The following TYW1 variants were observed in gnomAD, a reference collection of about 807,000 sequenced individuals.
TYW1 encodes the protein S-adenosyl-L-methionine-dependent tRNA 4-demethylwyosine synthase TYW1.
TYW1 carries 46 observed loss-of-function variants against 96.2 expected under a neutral mutation model. The observed-to-expected ratio is 0.48, with a 90% CI of 0.38 to 0.61. The LOEUF is 0.61. Among genes scored for constraint, TYW1 ranks in the 20% least tolerant of loss-of-function variants. The pLI is 0.00. For missense variants in TYW1, 684 were observed against 909.6 expected, an observed-to-expected ratio of 0.75 and a Z score of 3.19; for synonymous variants, 274 against 323.0, an observed-to-expected ratio of 0.85 and a Z score of 1.63.
chr7:67,072,933 AG>A (rs1796072846), intron 10 of TYW1, among the ~76,000 whole-genome samples: 11 of 82,540 alleles, frequency 1.3e-4, no homozygotes, highest in East Asian at 7.1e-4. Context: ...ATGCCTATCC[AG>A]TTTTTTTTTT....
At chr7:67,016,022 C>T (rs1225554929) in intron 5 of TYW1, among the ~76,000 whole-genome samples, 1 of 151,740 alleles carries the variant, frequency 6.6e-6, no homozygotes, top group Non-Finnish European at 1.5e-5. Context: ...ATTCATTGCA[C>T]TTTACATAAT....
At position 67,176,974 on chromosome 7, in the gene TYW1, G is replaced by A. The variant is rs527896960; in HGVS notation, c.1699-6152G>A. On this transcript the variant is annotated intron_variant, in intron 13 of 15. Transcript: ENST00000359626. ...CAAGATGTTGCTAATTGTCCCCTGC[G>A]GTGCAGAATCGCTCCTGGTTGAGAA... Among the ~76,000 whole-genome samples the A allele has an allele frequency of 1.2e-4, 19 of 152,028 alleles. No individual in the cohort carries two copies. In the South Asian group the frequency reaches 1.9e-3, roughly 15 times the overall value.
At chr7:67,016,172 A>G (rs1584465883) in intron 5 of TYW1, among the ~76,000 whole-genome samples, 1 of 148,962 alleles carries the variant, frequency 6.7e-6, no homozygotes, top group African/African-American at 2.5e-5. Flanking sequence ...TGCATTGTGT[A>G]CCTCTTCCTA....
At chr7:67,215,480 A>T (rs942080897) in intron 15 of TYW1, among the ~76,000 whole-genome samples, 1 of 152,012 alleles carries the variant, frequency 6.6e-6, no homozygotes, top group Non-Finnish European at 1.5e-5. Context: ...TTTACTTTTT[A>T]AAAGTTCTTC....
At chr7:67,059,324 C>T (rs766957347) in intron 9 of TYW1, among the ~76,000 whole-genome samples, 9 of 151,554 alleles carry the variant, frequency 5.9e-5, no homozygotes, top group South Asian at 2.1e-4. Flanking sequence ...AGGATGGTCT[C>T]GATCTCCTGA....
chr7:67,135,078 G>T (rs1798201600), intron 13 of TYW1, among the ~76,000 whole-genome samples: 1 of 151,590 alleles, frequency 6.6e-6, no homozygotes, highest in Non-Finnish European at 1.5e-5. Flanking sequence ...CTATGATTGT[G>T]TCACTGCCCT....
At chr7:67,198,784 TTTC>T (rs1407066203) in intron 15 of TYW1, among the ~76,000 whole-genome samples, 2 of 152,194 alleles carry the variant, frequency 1.3e-5, no homozygotes, top group African/African-American at 2.4e-5. Context: ...GATACTATAT[TTTC>T]TTCTTAAGTC....
intron 15 of TYW1, among the ~76,000 whole-genome samples, chr7:67,234,302 G>T (rs1243018982): frequency 2.3e-5 from 3 of 128,966 alleles, no homozygotes; most frequent in African/African-American, 9.5e-5. Flanking sequence ...TGCAATAGTT[G>T]CACCACTGCA....
intron 12 of TYW1, among the ~76,000 whole-genome samples, chr7:67,104,469 C>A (rs1230838427): frequency 6.6e-6 from 1 of 152,188 alleles, no homozygotes; most frequent in Non-Finnish European, 1.5e-5. Flanking sequence ...ACGAGAACAG[C>A]AAGGGGGACG....
At chr7:67,007,161 G>T (rs1053188542) in intron 3 of TYW1, among the ~76,000 whole-genome samples, 13 of 151,848 alleles carry the variant, frequency 8.6e-5, no homozygotes, top group African/African-American at 2.9e-4. Flanking sequence ...TTTGCATATG[G>T]TATAACTCCA....
chr7:67,072,563 T>A lies in TYW1; in HGVS notation c.1274+5160T>A, dbSNP rs138024734. On this transcript the variant is annotated intron_variant, in intron 10 of 15. Transcript: ENST00000359626. ...CGCCTGACCCCTCTCTACCCACTTT[T>A]AAAAAATTCTTATTATAGATTTTTT... Among the ~76,000 whole-genome samples, 1,366 of 152,148 alleles carry A rather than the reference T, an allele frequency of 9.0e-3. 21 individuals carry two copies. The highest frequency in any genetic ancestry group is 0.029 in the African/African-American group (1,190 of 41,490).
At chr7:67,067,924 G>A (rs1467958137) in intron 10 of TYW1, among the ~76,000 whole-genome samples, 4 of 152,148 alleles carry the variant, frequency 2.6e-5, no homozygotes, top group East Asian at 3.9e-4. Context: ...TACAACAATT[G>A]GGAATAGTTT....
intron 13 of TYW1, among the ~76,000 whole-genome samples, chr7:67,142,135 G>C (rs535172923): frequency 6.6e-6 from 1 of 152,044 alleles, no homozygotes; most frequent in African/African-American, 2.4e-5. Flanking sequence ...TTGTTCTGTC[G>C]CCCAGGCTGG....
At chr7:67,124,343 C>A (rs1797854096) in intron 13 of TYW1, among the ~76,000 whole-genome samples, 1 of 152,188 alleles carries the variant, frequency 6.6e-6, no homozygotes. Flanking sequence ...AAGCAATCCT[C>A]CTGCCTCAGC....
intron 13 of TYW1, among the ~76,000 whole-genome samples, chr7:67,181,922 A>G (rs1413688533): frequency 2.0e-5 from 3 of 152,040 alleles, no homozygotes; most frequent in Non-Finnish European, 4.4e-5. Context: ...TTCACCTCCC[A>G]GGTTCAAATG....
intron 7 of TYW1, among the ~76,000 whole-genome samples, 162 bp from the exon 8 acceptor site, chr7:67,049,787 T>A (rs1795300999): frequency 6.6e-6 from 1 of 152,180 alleles, no homozygotes. Flanking sequence ...CCTCAGGTGA[T>A]CCGCCTGCCC....
In TYW1 at chr7:66,996,879, C is replaced by A. The variant is rs1793181899; in HGVS notation, c.-100C>A. The A allele has an allele frequency of 5.0e-6, 8 of 1,593,324 alleles. No homozygotes were observed. Among genetic ancestry groups the A allele is most frequent in the South Asian group, 1.1e-5 (1 of 88,766 alleles). On this transcript the variant is annotated 5_prime_UTR_variant, in exon 1 of 16. Coordinates refer to ENST00000359626, the MANE Select transcript of TYW1 (RefSeq NM_018264.4). ...ACAGGTCTGCAGGCACTCGGTACGCCGCTAACGCGGCGAGGTAGCTCGGTG... is the reference window on the plus strand; with the variant it reads ...ACAGGTCTGCAGGCACTCGGTACGCAGCTAACGCGGCGAGGTAGCTCGGTG...
At chr7:67,194,860 A>G (rs147456663) in intron 14 of TYW1, among the ~76,000 whole-genome samples, 4,278 of 142,256 alleles carry the variant, frequency 0.03, 260 homozygotes, top group African/African-American at 0.11. Context: ...CTGAATCAAA[A>G]GACATGCTGT....
intron 4 of TYW1, among the ~76,000 whole-genome samples, chr7:67,010,882 C>G (rs549798303): frequency 6.6e-6 from 1 of 152,212 alleles, no homozygotes; most frequent in Admixed American, 6.5e-5. Context: ...CCAGCCCTCC[C>G]CGCTATTTTG....
Sources: allele counts gnomAD v4.1 joint callset (sites outside exome capture counted in the v4.1 genomes callset), GRCh38; gene constraint gnomAD v4.1.1; transcripts MANE v1.5; gene names NCBI Gene and HGNC (gene_info 2026-07-23, HGNC 2026-07-21).